ADAMTSL3: variants seen among roughly 807,000 people sequenced by gnomAD.
The protein encoded by ADAMTSL3 is ADAMTS-like protein 3.
In ADAMTSL3, 128 loss-of-function variants were observed where a neutral mutation model predicts 201.7. The observed-to-expected ratio is 0.63, with a 90% confidence interval of 0.55 to 0.73. The LOEUF is 0.73. Among genes scored for constraint, ADAMTSL3 ranks in the 30% least tolerant of loss-of-function variants. The probability of loss-of-function intolerance (pLI) is 0.00; values close to 1 mark genes in which losing one functional copy is unlikely to be tolerated. For missense variants in ADAMTSL3, 1,990 were observed against 2,119.6 expected, an observed-to-expected ratio of 0.94 and a Z score of 1.20; for synonymous variants, 738 against 748.4, an observed-to-expected ratio of 0.99 and a Z score of 0.23.
At chr15:83,781,184 A>G (rs1269820763) in intron 4 of ADAMTSL3, among the ~76,000 whole-genome samples, 1 of 152,232 alleles carries the variant, frequency 6.6e-6, no homozygotes, top group African/African-American at 2.4e-5. Context: ...ACAAAGCTGG[A>G]GGCATCATGC....
Position 84,004,164 on chromosome 15 carries a change from A to G in ADAMTSL3, c.3974-10378A>G, listed in dbSNP as rs531611804. ...TTTATTTCCCCTAGTTATTAATTCAATACCCAGTTATTCATTTTGATGACT... is the reference window on the plus strand; with the variant it reads ...TTTATTTCCCCTAGTTATTAATTCAGTACCCAGTTATTCATTTTGATGACT... On this transcript the variant is annotated intron_variant, in intron 23 of 29. Coordinates refer to ENST00000286744, the MANE Select transcript of ADAMTSL3 (RefSeq NM_207517.3). Among the ~76,000 whole-genome samples the G allele has an allele frequency of 1.1e-3, 166 of 152,314 alleles. 1 individual carries two copies. Among genetic ancestry groups the G allele is most frequent in the African/African-American group, 3.8e-3 (158 of 41,564 alleles).
chr15:83,942,998 G>A lies in ADAMTSL3; in HGVS notation c.2406G>A (p.Leu802=). 1.2e-6 allele frequency: 2 copies of A among 1,614,098 alleles called. No individual in the cohort carries two copies. Among genetic ancestry groups the A allele is most frequent in the Non-Finnish European group, 1.7e-6 (2 of 1,179,968 alleles). The part of the protein sequence containing the change: ...DGSFLNLSDE[L]CQGPKASSHK... ...GCTTTTTGAATCTCTCAGATGAATT[G>A]TGCCAAGGACCCAAGGCATCGTCTC... The change falls in exon 19 of 30, where the codon TTG becomes TTA. Residue 802 remains leucine (L), a synonymous_variant. Transcript: ENST00000286744.
At chr15:83,773,166 A>G (rs965569161) in intron 3 of ADAMTSL3, among the ~76,000 whole-genome samples, 1 of 151,590 alleles carries the variant, frequency 6.6e-6, no homozygotes, top group Admixed American at 6.6e-5. Context: ...ATGACTCTGG[A>G]TTTGGGAGGC....
chr15:84,029,386 G>A (rs1376081092), intron 27 of ADAMTSL3, among the ~76,000 whole-genome samples: 2 of 152,238 alleles, frequency 1.3e-5, no homozygotes, highest in Non-Finnish European at 2.9e-5. Context: ...TTAGCAAAGA[G>A]AATGGAGGCA....
At position 84,038,737 on chromosome 15, in the gene ADAMTSL3, A is replaced by G. The variant is rs1317677454; in HGVS notation, c.*931A>G. ...TAGTTGAAAATAATTTTTATAGTAA[A>G]TAATTGTTTTGGGCTGATTTTTCAG... is the stretch of plus-strand genomic sequence containing the variant. On this transcript the variant is annotated 3_prime_UTR_variant, in exon 30 of 30. Coordinates refer to ENST00000286744, the MANE Select transcript of ADAMTSL3 (RefSeq NM_207517.3). The G allele has an allele frequency of 6.6e-6, 1 of 152,430 alleles. No homozygotes were observed. Among genetic ancestry groups the G allele is most frequent in the Non-Finnish European group, 1.5e-5 (1 of 68,036 alleles). 9.4% of individuals were successfully genotyped at this position (152,430 alleles called of 1,614,324 possible).
At chr15:83,709,308 A>G (rs1299046760) in intron 3 of ADAMTSL3, among the ~76,000 whole-genome samples, 1 of 152,218 alleles carries the variant, frequency 6.6e-6, no homozygotes, top group Non-Finnish European at 1.5e-5. Context: ...CATTCTTAGA[A>G]TAAAGGTGTT....
At chr15:83,685,629 G>A (rs1342227915) in intron 2 of ADAMTSL3, among the ~76,000 whole-genome samples, 1 of 152,120 alleles carries the variant, frequency 6.6e-6, no homozygotes, top group Non-Finnish European at 1.5e-5. Context: ...TATCCTGTAT[G>A]GCTCTGGGAA....
rs2277848 is a variant in ADAMTSL3 at position 83,970,557 on chromosome 15, G to A, written c.2564G>A (p.Arg855His). ...VCQRLAAKGR[R>H]IPLSEMMCRD... ...CAAAGGCTGGCAGCCAAAGGTCGGC[G>A]CATCCCCCTCAGTGAGATGATGTGC... The change falls in exon 20 of 30, where the codon CGC becomes CAC. Residue 855 changes from arginine (R) to histidine (H), a missense_variant. By Grantham distance (29) the Arg-to-His change is conservative (BLOSUM62 0). Transcript: ENST00000286744. 9.9e-4 allele frequency: 1,591 copies of A among 1,614,176 alleles called. 40 individuals carry two copies. The East Asian group carries it at 0.032, about 32-fold the overall frequency.
chr15:83,765,244 A>G (rs1184696989), intron 3 of ADAMTSL3, among the ~76,000 whole-genome samples: 6 of 152,180 alleles, frequency 3.9e-5, no homozygotes, highest in Non-Finnish European at 7.3e-5. Flanking sequence ...TCATATTTTA[A>G]AATTTCTTTT....
At chr15:83,761,796 C>T (rs2062812119) in intron 3 of ADAMTSL3, among the ~76,000 whole-genome samples, 1 of 152,074 alleles carries the variant, frequency 6.6e-6, no homozygotes, top group Non-Finnish European at 1.5e-5. Flanking sequence ...ACAAAGCTGT[C>T]ATTGTATTTG....
rs192188987 is a variant in ADAMTSL3, at chr15:84,028,210, G to A, written c.4656+2774G>A. Among the ~76,000 whole-genome samples, 9 of 152,232 alleles carry A rather than the reference G, an allele frequency of 5.9e-5. No homozygotes were observed. In the East Asian group the frequency reaches 1.4e-3, roughly 23 times the overall value. On this transcript the variant is annotated intron_variant, in intron 27 of 29. Transcript: ENST00000286744. The stretch of plus-strand genomic sequence containing the variant: ...ACAACTCTAAATTCCGTTAACATTC[G>A]ATGGCAAATTGTATAGTTTGTAAAT...
chr15:84,031,532 C>G (rs1567314492), intron 28 of ADAMTSL3, 100 bp downstream of exon 28: 1 of 1,044,942 alleles, frequency 9.6e-7, no homozygotes. Context: ...TTTCTACCAA[C>G]TCTCATAATT....
Position 84,009,468 on chromosome 15 carries a change from C to T in ADAMTSL3, c.3974-5074C>T, listed in dbSNP as rs185622883. On this transcript the variant is annotated intron_variant, in intron 23 of 29. Transcript: ENST00000286744. Reference sequence around the variant, plus strand: ...AATATTAATAAACCAAATGTGTGATCGAATAATATATGTACTTCATTACTA... The same window carrying T: ...AATATTAATAAACCAAATGTGTGATTGAATAATATATGTACTTCATTACTA... Among the ~76,000 whole-genome samples, 445 of 152,186 alleles carry T rather than the reference C, an allele frequency of 2.9e-3. 1 individual carries two copies. Among genetic ancestry groups the T allele is most frequent in the Non-Finnish European group, 5.8e-3 (391 of 67,984 alleles).
intron 5 of ADAMTSL3, among the ~76,000 whole-genome samples, chr15:83,810,544 A>T (rs2063677136): frequency 6.6e-6 from 1 of 152,212 alleles, no homozygotes. Flanking sequence ...TACGGTTCTG[A>T]AGGCCCGAAG....
chr15:83,760,140 AT>A (rs1423299791), intron 3 of ADAMTSL3, among the ~76,000 whole-genome samples: 1 of 151,838 alleles, frequency 6.6e-6, no homozygotes, highest in African/African-American at 2.4e-5. Flanking sequence ...AAGATCATTG[AT>A]TTTTTCATCT....
intron 3 of ADAMTSL3, among the ~76,000 whole-genome samples, chr15:83,755,840 A>T (rs1202180358): frequency 6.6e-6 from 1 of 151,220 alleles, no homozygotes; most frequent in Non-Finnish European, 1.5e-5. Context: ...TACAACTTCC[A>T]CCTTCCGCCT....
chr15:83,961,050 T>C (rs538691623), intron 19 of ADAMTSL3, among the ~76,000 whole-genome samples: 2 of 152,246 alleles, frequency 1.3e-5, no homozygotes, highest in South Asian at 4.1e-4. Context: ...AAAAAGTGGC[T>C]TTAAAGTGAG....
intron 10 of ADAMTSL3, among the ~76,000 whole-genome samples, chr15:83,887,241 A>T (rs902745549): frequency 1.3e-5 from 2 of 152,186 alleles, no homozygotes; most frequent in African/African-American, 4.8e-5. Flanking sequence ...CCATATTGCC[A>T]TCACTATTTT....
intron 23 of ADAMTSL3, 34 bp downstream of exon 23, chr15:83,991,248 A>G: frequency 6.2e-7 from 1 of 1,613,282 alleles, no homozygotes; most frequent in South Asian, 1.1e-5. Context: ...AGGCCATTTC[A>G]GTGGGAGGTA....
Sources: gnomAD v4.1 joint callset for allele counts (sites outside exome capture counted in the v4.1 genomes callset) on GRCh38, gnomAD v4.1.1 for gene constraint, MANE v1.5 for transcripts, NCBI Gene and HGNC (gene_info 2026-07-23, HGNC 2026-07-21) for gene names.